The following VAX1 variants were observed in gnomAD, a reference collection of about 807,000 sequenced individuals.
VAX1 encodes ventral anterior homeobox 1.
In VAX1, 6 loss-of-function variants were observed where a neutral mutation model predicts 17.6. The observed-to-expected ratio is 0.34, with a 90% CI of 0.19 to 0.67. The LOEUF is 0.67. VAX1 is among the 30% of genes least tolerant of loss of function. The pLI is 0.69. For synonymous variants in VAX1, 256 were observed against 227.4 expected (o/e 1.13, Z -1.13); for missense variants, 408 against 463.7 (o/e 0.88, Z 1.10).
At chr10:117,132,246 C>T (rs373218805), downstream of VAX1, 14 of 1,614,020 alleles carry the variant, frequency 8.7e-6, no homozygotes, top group African/African-American at 4.0e-5. The surrounding 1 kb of genome is among the most constrained non-coding windows in gnomAD (Gnocchi z 4.9). Flanking sequence ...GGAGTCCCCA[C>T]GCCGAGACTC....
downstream of VAX1, among the ~76,000 whole-genome samples, chr10:117,133,116 T>C (rs1036849228): frequency 3.3e-5 from 5 of 152,236 alleles, no homozygotes; most frequent in African/African-American, 1.2e-4. Context: ...TGAATTTCCT[T>C]TGATTAGCGG....
downstream of VAX1, chr10:117,130,983 A>G (rs937873282): frequency 1.3e-5 from 2 of 152,604 alleles, no homozygotes; most frequent in Non-Finnish European, 2.9e-5. Context: ...TTTGTTGGGA[A>G]TCCCAAGCTA....
At chr10:117,135,229 G>A (rs763567399) in intron 2 of VAX1, among the ~76,000 whole-genome samples, 30 of 152,318 alleles carry the variant, frequency 2.0e-4, no homozygotes, top group Admixed American at 1.1e-3. Context: ...ATATGTGCGG[G>A]AGACTTTATG....
downstream of VAX1, among the ~76,000 whole-genome samples, chr10:117,132,807 T>C (rs2133658515): frequency 6.6e-6 from 1 of 152,286 alleles, no homozygotes; most frequent in African/African-American, 2.4e-5. The surrounding 1 kb of genome is among the most constrained non-coding windows in gnomAD (Gnocchi z 4.9). Flanking sequence ...CCGAGACTAC[T>C]GCTAGAGGAG....
At chr10:117,132,144 C>A, downstream of VAX1, 1 of 1,539,044 alleles carries the variant, frequency 6.5e-7, no homozygotes, top group Non-Finnish European at 8.8e-7. This position sits in a 1 kb window ranked among gnomAD's most constrained non-coding sequence, Gnocchi z 4.9. Flanking sequence ...TCTGCCTCTC[C>A]GGAAACCCGA....
rs1456524354 is a variant in VAX1, at chr10:117,134,800, G to A, written c.430-217C>T. Among the ~76,000 whole-genome samples the A allele has an allele frequency of 2.6e-5, 4 of 152,080 alleles. No individual in the cohort carries two copies. Among genetic ancestry groups the A allele is most frequent in the African/African-American group, 7.2e-5 (3 of 41,446 alleles). ...AGCTGCTCCACCGGGCTGCGCTTCC[G>A]GGTCAGGGAAGCAGGCCCAGGCAGG... is the stretch of plus-strand genomic sequence containing the variant. On this transcript the variant is annotated intron_variant, in intron 2 of 2. Coordinates refer to ENST00000369206, the MANE Select transcript of VAX1 (RefSeq NM_001112704.2). This position sits in a 1 kb window ranked among gnomAD's most constrained non-coding sequence, Gnocchi z 6.2.
At position 117,133,941 on chromosome 10, in the gene VAX1, T is replaced by C. The variant is rs1854127433; in HGVS notation, c.*67A>G. On this transcript the variant is annotated 3_prime_UTR_variant, in exon 3 of 3. Coordinates refer to ENST00000369206, the MANE Select transcript of VAX1 (RefSeq NM_001112704.2). ...CAGCGCAGGAGCTCTGGGCACCTAA[T>C]GCGCGTGAGTCCATAAATATCACCA... The C allele has an allele frequency of 1.4e-6, 2 of 1,449,018 alleles. No homozygotes were observed. The highest frequency in any genetic ancestry group is 9.0e-7 in the Non-Finnish European group (1 of 1,108,626). The allele number at this position is 1,449,018 out of a possible 1,614,324, so 89.8% of individuals were successfully genotyped here.
chr10:117,138,110 A>AG lies in VAX1; in HGVS notation c.-55dup, dbSNP rs1443317614. On this transcript the variant is annotated 5_prime_UTR_variant, in exon 1 of 3. Transcript: ENST00000369206. ...GAAAAAAAAAGCAAAAAAAAAAAAA[A>AG]GGGGGGGGGGCGGAGAAGGAAAAAA... 20 of 123,454 alleles carry AG rather than the reference A, an allele frequency of 1.6e-4. No homozygotes were observed. In the African/African-American group the frequency reaches 4.0e-3, roughly 25 times the overall value. The allele number at this position is 123,454 out of a possible 1,614,324, so 7.6% of individuals were successfully genotyped here.
In VAX1 at chr10:117,136,114, G is replaced by A. The variant is rs1854173736; in HGVS notation, c.429+358C>T. Among the ~76,000 whole-genome samples the A allele has an allele frequency of 6.6e-6, 1 of 152,256 alleles. No individual in the cohort carries two copies. The highest frequency in any genetic ancestry group is 6.5e-5 in the Admixed American group (1 of 15,290). Reference sequence around the variant, plus strand: ...TGGGGCCTAGAAATCTAGCCAAAATGGGGTACCCCAAACAAGGGCAAAAGT... The same window carrying A: ...TGGGGCCTAGAAATCTAGCCAAAATAGGGTACCCCAAACAAGGGCAAAAGT... On this transcript the variant is annotated intron_variant, in intron 2 of 2. Transcript: ENST00000369206. This position sits in a 1 kb window ranked among gnomAD's most constrained non-coding sequence, Gnocchi z 5.0.
At chr10:117,132,292 G>C (rs756178225), downstream of VAX1, 2 of 1,613,520 alleles carry the variant, frequency 1.2e-6, no homozygotes, top group Non-Finnish European at 1.7e-6. This position sits in a 1 kb window ranked among gnomAD's most constrained non-coding sequence, Gnocchi z 4.9. Context: ...TTCTTCTTTT[G>C]TTTTTTTATC....
At chr10:117,131,089 CGA>C (rs1380826502), downstream of VAX1, 3 of 152,728 alleles carry the variant, frequency 2.0e-5, no homozygotes, top group African/African-American at 7.2e-5. Context: ...GAAGCTGCAG[CGA>C]GAGCCACCCA....
At chr10:117,132,475 T>C (rs766449260), downstream of VAX1, 4 of 1,605,884 alleles carry the variant, frequency 2.5e-6, no homozygotes, top group Non-Finnish European at 3.4e-6. This position sits in a 1 kb window ranked among gnomAD's most constrained non-coding sequence, Gnocchi z 4.9. Context: ...CTTCACTATT[T>C]GCCTAGAAAA....
rs564059278 is a variant in VAX1, at chr10:117,138,180, C to T, written c.-124G>A. Reference sequence around the variant, plus strand: ...AAAACCCCCGACAACGCGGCCCGTACGCCCGGCCCGGCGACAGGCAAGGGG... The same window carrying T: ...AAAACCCCCGACAACGCGGCCCGTATGCCCGGCCCGGCGACAGGCAAGGGG... On this transcript the variant is annotated 5_prime_UTR_variant, in exon 1 of 3. Coordinates refer to ENST00000369206, the MANE Select transcript of VAX1 (RefSeq NM_001112704.2). The T allele has an allele frequency of 3.4e-5, 39 of 1,155,732 alleles. No individual in the cohort carries two copies. The highest frequency in any genetic ancestry group is 4.8e-5 in the African/African-American group (3 of 62,988). 71.6% of individuals were successfully genotyped at this position (1,155,732 alleles called of 1,614,324 possible).
In VAX1 at chr10:117,133,758, T is replaced by C. The variant is rs1854123323; in HGVS notation, c.*250A>G. The C allele has an allele frequency of 1.6e-6, 2 of 1,238,938 alleles. No individual in the cohort carries two copies. Among genetic ancestry groups the C allele is most frequent in the Non-Finnish European group, 2.0e-6 (2 of 993,438 alleles). The allele number at this position is 1,238,938 out of a possible 1,614,324, so 76.7% of individuals were successfully genotyped here. A position where few individuals can be genotyped will look rare whatever the true frequency, so the allele number is the denominator to read the frequency against. ...GACTAACTCGGGCATTTTTCCCAAT[T>C]CTTTGGATCGCTCCTGGATTCAGAA... On this transcript the variant is annotated 3_prime_UTR_variant, in exon 3 of 3. Coordinates refer to ENST00000369206, the MANE Select transcript of VAX1 (RefSeq NM_001112704.2).
At position 117,134,698 on chromosome 10, in the gene VAX1, C is replaced by A. The variant is rs2133660816; in HGVS notation, c.430-115G>T. The A allele has an allele frequency of 9.1e-7, 1 of 1,096,746 alleles. No individual in the cohort carries two copies. Among genetic ancestry groups the A allele is most frequent in the Non-Finnish European group, 1.2e-6 (1 of 822,670 alleles). 67.9% of individuals were successfully genotyped at this position (1,096,746 alleles called of 1,614,324 possible). On this transcript the variant is annotated intron_variant, in intron 2 of 2. Transcript: ENST00000369206. This position sits in a 1 kb window ranked among gnomAD's most constrained non-coding sequence, Gnocchi z 6.2. ...GCTCTCCCCAAGTCCCAGCCCTATC[C>A]GCAGCCCCACCCAGCAGCCGGAGGG...
At chr10:117,132,195 C>T (rs750467088), downstream of VAX1, 1 of 1,604,884 alleles carries the variant, frequency 6.2e-7, no homozygotes, top group Non-Finnish European at 8.5e-7. This position sits in a 1 kb window ranked among gnomAD's most constrained non-coding sequence, Gnocchi z 4.9. Flanking sequence ...CGGTACCAGT[C>T]GCAGGGCCCC....
downstream of VAX1, chr10:117,132,104 A>G (rs1589945094): frequency 1.7e-6 from 2 of 1,186,962 alleles, no homozygotes; most frequent in Non-Finnish European, 2.4e-6. The surrounding 1 kb of genome is among the most constrained non-coding windows in gnomAD (Gnocchi z 4.9). Flanking sequence ...ACACTCAAGG[A>G]AGTGGAACAA....
chr10:117,129,340 T>C (rs1377879144), downstream of VAX1: 1 of 152,564 alleles, frequency 6.6e-6, no homozygotes, highest in Admixed American at 6.5e-5. Context: ...CCCCAGATGA[T>C]TCTGAAGCAG....
chr10:117,135,781 G>C (rs2133661809), intron 2 of VAX1, among the ~76,000 whole-genome samples: 1 of 152,358 alleles, frequency 6.6e-6, no homozygotes, highest in East Asian at 1.9e-4. Flanking sequence ...AATGTAAAGG[G>C]AAAGATCTAA....
Sources: gnomAD v4.1 joint callset for allele counts (sites outside exome capture counted in the v4.1 genomes callset) on GRCh38, gnomAD v4.1.1 for gene constraint, Gnocchi (gnomAD v3.1) non-coding constraint, MANE v1.5 for transcripts, NCBI Gene and HGNC (gene_info 2026-07-23, HGNC 2026-07-21) for gene names.